The following SLC29A3 variants were observed in gnomAD, a reference collection of about 807,000 sequenced individuals.
SLC29A3 encodes solute carrier family 29 member 3.
A neutral mutation model predicts 25.4 loss-of-function variants in SLC29A3; 18 were observed. The observed-to-expected ratio is 0.71, with a 90% CI of 0.49 to 1.05. The LOEUF (loss-of-function observed/expected upper bound fraction) is 1.05. Ranked by LOEUF, SLC29A3 falls within the 50% of genes least tolerant of loss-of-function variation. SLC29A3 has a pLI of 0.00. For synonymous variants in SLC29A3, 258 were observed against 267.1 expected (o/e 0.97, Z 0.33); for missense variants, 586 against 609.0 (o/e 0.96, Z 0.40).
intron 4 of SLC29A3, among the ~76,000 whole-genome samples, chr10:71,354,095 C>T (rs942460276): frequency 5.3e-5 from 8 of 152,178 alleles, no homozygotes; most frequent in African/African-American, 1.9e-4. Flanking sequence ...GTTGTTGCTG[C>T]TTTGATGTGG....
At chr10:71,345,202 A>T (rs884031) in intron 3 of SLC29A3, among the ~76,000 whole-genome samples, 9,133 of 152,270 alleles carry the variant, frequency 0.06, 339 homozygotes, top group East Asian at 0.19. Context: ...TATTGCAGTT[A>T]TCTGTTACAT....
At chr10:71,344,374 T>C in intron 3 of SLC29A3, 83 bp downstream of exon 3, 2 of 1,056,406 alleles carry the variant, frequency 1.9e-6, no homozygotes, top group Non-Finnish European at 2.9e-6. Context: ...GCTGCTTTTT[T>C]TCTGCCTACT....
chr10:71,322,547 C>G (rs899819890), intron 1 of SLC29A3, among the ~76,000 whole-genome samples: 1 of 152,206 alleles, frequency 6.6e-6, no homozygotes, highest in African/African-American at 2.4e-5. Flanking sequence ...AGGACACTTA[C>G]AGTTCTGACA....
Position 71,322,769 on chromosome 10 carries a change from A to G in SLC29A3, c.15A>G (p.Ser5=), listed in dbSNP as rs574050593. 1 of 1,614,106 alleles carries G rather than the reference A, an allele frequency of 6.2e-7. No homozygotes were observed. The highest frequency in any genetic ancestry group is 2.2e-5 in the East Asian group (1 of 44,878). ...TTGCTCCAATAGTGGCCGTTGTCTC[A>G]GAGGACGACTTTCAGCACAGTTCAA... MAVV[S]EDDFQHSSNS... is the part of the protein sequence containing the mutation. Residue 5 remains serine (S), a synonymous_variant, in exon 2 of 6, where the codon TCA becomes TCG. Coordinates refer to ENST00000373189, the MANE Select transcript of SLC29A3 (RefSeq NM_018344.6).
intron 2 of SLC29A3, among the ~76,000 whole-genome samples, chr10:71,342,524 C>T (rs915349271): frequency 2.0e-5 from 3 of 152,388 alleles, no homozygotes; most frequent in East Asian, 3.9e-4. Context: ...ATTCAGGGAA[C>T]CTGAGCCTGC....
intron 2 of SLC29A3, among the ~76,000 whole-genome samples, chr10:71,340,192 T>C (rs748642593): frequency 6.6e-6 from 1 of 152,216 alleles, no homozygotes; most frequent in Non-Finnish European, 1.5e-5. Context: ...TCCACCTGCG[T>C]TCCAGCCCTG....
chr10:71,373,711 A>G (rs1170143691), intron 3 of SLC29A3, among the ~76,000 whole-genome samples: 1 of 152,242 alleles, frequency 6.6e-6, no homozygotes, highest in African/African-American at 2.4e-5. Flanking sequence ...CCAGGAGCTC[A>G]CAGCCCTCTT....
chr10:71,342,553 C>CA (rs1371838831), intron 2 of SLC29A3, among the ~76,000 whole-genome samples: 1 of 152,262 alleles, frequency 6.6e-6, no homozygotes, highest in Non-Finnish European at 1.5e-5. Context: ...ACAAAATCAT[C>CA]AGAGATTCTG....
At chr10:71,329,807 T>C (rs1259142855) in intron 2 of SLC29A3, among the ~76,000 whole-genome samples, 1 of 152,132 alleles carries the variant, frequency 6.6e-6, no homozygotes, top group African/African-American at 2.4e-5. Flanking sequence ...TCCACTAGAG[T>C]ACCCATTAAC....
chr10:71,350,146 T>C lies in SLC29A3; in HGVS notation c.384-1416T>C, dbSNP rs191359677. On this transcript the variant is annotated intron_variant, in intron 3 of 5. Transcript: ENST00000373189. ...TCCCTACAGACTCACTCCACAACCT[T>C]GAACTGTCCCTTCATTTCTTGGGCT... is the stretch of plus-strand genomic sequence containing the variant. Among the ~76,000 whole-genome samples the C allele has an allele frequency of 1.8e-3, 279 of 152,318 alleles. 2 individuals are homozygous for C. The highest frequency in any genetic ancestry group is 6.3e-3 in the African/African-American group (264 of 41,576).
In SLC29A3 at chr10:71,371,685, G is replaced by A. The variant is rs529788939; in HGVS notation, c.*95-4010G>A. Among the ~76,000 whole-genome samples the A allele has an allele frequency of 1.1e-3, 166 of 152,278 alleles. 1 individual carries two copies. The highest frequency in any genetic ancestry group is 1.5e-3 in the South Asian group (7 of 4,818). ...TATGTCTTATTAGTCAGTGATCTTG[G>A]ACAGGTTTCTTAACCTCTCTGTGTC... On this transcript the variant is annotated intron_variant and NMD_transcript_variant, in intron 3 of 4. Coordinates refer to the SLC29A3 transcript ENST00000642772.
At position 71,362,676 on chromosome 10, in the gene SLC29A3, G is replaced by A. The variant is rs751174589; in HGVS notation, c.*68G>A. On this transcript the variant is annotated 3_prime_UTR_variant, in exon 6 of 6. Coordinates refer to ENST00000373189, the MANE Select transcript of SLC29A3 (RefSeq NM_018344.6). ...ATGAGAAGAGAGTGCAGGAGGGCTG[G>A]GGGCCATGGAGGAAAGGCCTAAAGT... 1 of 1,604,170 alleles carries A rather than the reference G, an allele frequency of 6.2e-7. No homozygotes were observed. Among genetic ancestry groups the A allele is most frequent in the South Asian group, 1.1e-5 (1 of 90,200 alleles).
At chr10:71,349,782 C>A (rs1006145537) in intron 3 of SLC29A3, among the ~76,000 whole-genome samples, 4 of 152,150 alleles carry the variant, frequency 2.6e-5, no homozygotes, top group Admixed American at 6.5e-5. Context: ...CCTGAACATG[C>A]CTCACTCTCT....
chr10:71,350,038 C>A (rs537926755), intron 3 of SLC29A3, among the ~76,000 whole-genome samples: 1 of 152,302 alleles, frequency 6.6e-6, no homozygotes, highest in African/African-American at 2.4e-5. Context: ...TGCACATTTG[C>A]GGAATGACCA....
rs79663270 is a variant in SLC29A3 at position 71,330,458 on chromosome 10, C to T, written c.300+7404C>T. 9.4e-3 allele frequency among the ~76,000 whole-genome samples: 1,437 copies of T among 152,336 alleles called. 26 individuals are homozygous for T. The highest frequency in any genetic ancestry group is 0.033 in the African/African-American group (1,360 of 41,572). On this transcript the variant is annotated intron_variant, in intron 2 of 5. Coordinates refer to ENST00000373189, the MANE Select transcript of SLC29A3 (RefSeq NM_018344.6). The stretch of plus-strand genomic sequence containing the variant: ...GGATATCTATTTGGTAAAGGCTCCA[C>T]AGCTAGGTGAAAGGTGGATTGGTCC...
At chr10:71,350,199 A>C (rs982634531) in intron 3 of SLC29A3, among the ~76,000 whole-genome samples, 10 of 152,178 alleles carry the variant, frequency 6.6e-5, no homozygotes, top group Non-Finnish European at 1.2e-4. Flanking sequence ...AAGCAGTGAC[A>C]GCACCTGCTC....
intron 2 of SLC29A3, among the ~76,000 whole-genome samples, chr10:71,329,106 A>G (rs1236619397): frequency 6.6e-6 from 1 of 152,230 alleles, no homozygotes; most frequent in Non-Finnish European, 1.5e-5. Context: ...TTTCCACATG[A>G]CATCCTGGTG....
exon 5 of SLC29A3, chr10:71,381,240 T>C (rs983674028): frequency 1.3e-5 from 2 of 152,156 alleles, no homozygotes; most frequent in African/African-American, 4.8e-5. Flanking sequence ...CACTACTGTA[T>C]CAAATGCTCT....
intron 3 of SLC29A3, 147 bp from the exon 4 acceptor site, chr10:71,351,415 G>A: frequency 1.5e-6 from 1 of 664,992 alleles, no homozygotes; most frequent in East Asian, 2.7e-5. Context: ...GAGCCGGGAA[G>A]GCAGGATTCG....
Sources: gnomAD v4.1 joint callset for allele counts (sites outside exome capture counted in the v4.1 genomes callset) on GRCh38, gnomAD v4.1.1 for gene constraint, MANE v1.5 for transcripts, NCBI Gene and HGNC (gene_info 2026-07-23, HGNC 2026-07-21) for gene names.